PRR23D1: variants seen among roughly 807,000 people sequenced by gnomAD.
PRR23D1 encodes proline-rich protein 23D1.
upstream of PRR23D1, among the ~76,000 whole-genome samples, chr8:7,538,827 A>G (rs1453394346): frequency 3.3e-5 from 5 of 152,114 alleles, no homozygotes; most frequent in Middle Eastern, 3.4e-3. Flanking sequence ...GAAATTAAGT[A>G]AAGGTTCTTT....
chr8:7,538,889 C>T (rs1448160879), upstream of PRR23D1, among the ~76,000 whole-genome samples: 4 of 150,952 alleles, frequency 2.6e-5, no homozygotes, highest in South Asian at 4.2e-4. Flanking sequence ...GTTTGGATAA[C>T]TTTCCCCAGG....
upstream of PRR23D1, among the ~76,000 whole-genome samples, chr8:7,538,977 A>G (rs1472461108): frequency 2.7e-5 from 4 of 150,826 alleles, no homozygotes; most frequent in Non-Finnish European, 5.9e-5. Context: ...CTCCACATCC[A>G]TAGGTTCCAT....
chr8:7,536,709 G>T, upstream of PRR23D1, among the ~76,000 whole-genome samples: 1 of 140,408 alleles, frequency 7.1e-6, no homozygotes, highest in African/African-American at 2.8e-5. Context: ...CACACAGAAT[G>T]TTTCTCTTAT....
upstream of PRR23D1, among the ~76,000 whole-genome samples, chr8:7,536,695 G>C (rs1357044887): frequency 0.014 from 1,909 of 135,370 alleles, 7 homozygotes; most frequent in African/African-American, 0.055. Context: ...TGGCATTAAA[G>C]CATCACACAG....
chr8:7,538,860 T>TA (rs1812703085), upstream of PRR23D1, among the ~76,000 whole-genome samples: 1 of 151,764 alleles, frequency 6.6e-6, no homozygotes, highest in Non-Finnish European at 1.5e-5. Context: ...CAGCTTGTCT[T>TA]ATAGTATTCG....
upstream of PRR23D1, among the ~76,000 whole-genome samples, chr8:7,536,783 T>G (rs1812654545): frequency 2.7e-5 from 4 of 148,530 alleles, no homozygotes; most frequent in Non-Finnish European, 3.0e-5. Flanking sequence ...CTTTGGACTT[T>G]GCTTCTTTAT....
At chr8:7,538,786 AACAG>A (rs1383628127), upstream of PRR23D1, among the ~76,000 whole-genome samples, 1 of 151,950 alleles carries the variant, frequency 6.6e-6, no homozygotes, top group African/African-American at 2.4e-5. Context: ...GAAATAAATT[AACAG>A]ACAGATTAAT....
upstream of PRR23D1, among the ~76,000 whole-genome samples, chr8:7,536,856 G>A (rs1448343015): frequency 1.4e-5 from 2 of 146,214 alleles, no homozygotes; most frequent in African/African-American, 2.6e-5. Flanking sequence ...ATTTGCATTT[G>A]ATCTTCCAAA....
At chr8:7,536,826 G>GAA (rs996052513), upstream of PRR23D1, among the ~76,000 whole-genome samples, 11 of 148,528 alleles carry the variant, frequency 7.4e-5, no homozygotes, top group Non-Finnish European at 1.2e-4. Flanking sequence ...AAAAGAAAAA[G>GAA]AAAAAAGATA....
upstream of PRR23D1, among the ~76,000 whole-genome samples, chr8:7,538,825 G>A (rs541024994): frequency 5.3e-5 from 8 of 152,098 alleles, no homozygotes; most frequent in East Asian, 7.7e-4. Context: ...TAGAAATTAA[G>A]TAAAGGTTCT....
Sources: allele counts gnomAD v4.1 joint callset (sites outside exome capture counted in the v4.1 genomes callset), GRCh38; gene constraint gnomAD v4.1.1; transcripts MANE v1.5; gene names NCBI Gene and HGNC (gene_info 2026-07-23, HGNC 2026-07-21).